Variants in SUN1 observed in about 807,000 individuals in gnomAD.
SUN1 encodes the protein Sad1 and UNC84 domain containing 1, also known as SUN domain-containing protein 1.
A neutral mutation model predicts 103.2 loss-of-function variants in SUN1; 61 were observed. The observed-to-expected ratio is 0.59, with a 90% CI of 0.48 to 0.73. The LOEUF is 0.73. Among genes scored for constraint, SUN1 ranks in the 30% least tolerant of loss-of-function variants. SUN1 has a pLI of 0.00. For missense variants in SUN1, 1,052 were observed against 1,034.6 expected, an observed-to-expected ratio of 1.02 and a Z score of -0.23; for synonymous variants, 490 against 425.7, an observed-to-expected ratio of 1.15 and a Z score of -1.86.
chr7:833,828 G>A (rs1238926820), intron 1 of SUN1, among the ~76,000 whole-genome samples: 1 of 147,638 alleles, frequency 6.8e-6, no homozygotes, highest in Non-Finnish European at 1.5e-5. Flanking sequence ...GGCCAGCTCA[G>A]GGGAGACTGC....
At chr7:841,223 G>T (rs1021972657) in intron 2 of SUN1, among the ~76,000 whole-genome samples, 5 of 147,358 alleles carry the variant, frequency 3.4e-5, no homozygotes, top group Admixed American at 2.8e-4. Context: ...GTGAGCCGCC[G>T]TACCTGGCCT....
At chr7:817,109 C>T (rs1199137833) in intron 1 of SUN1, among the ~76,000 whole-genome samples, 3 of 150,932 alleles carry the variant, frequency 2.0e-5, no homozygotes, top group Admixed American at 1.3e-4. Context: ...GCGGCGGGGC[C>T]GTGGGTGGGG....
rs1029578075 is a variant in SUN1 at position 817,368 on chromosome 7, T to C, written c.-74+695T>C. On this transcript the variant is annotated intron_variant, in intron 1 of 17. Transcript: ENST00000389574. ...CCTGCCTGGAGGCGCGCGCGTGGTC[T>C]CCGCGCCCTGTTGCGCCTTCAAAGT... 2.0e-6 allele frequency: 3 copies of C among 1,517,388 alleles called. No individual in the cohort carries two copies. The African/African-American group carries it at 4.1e-5, about 21-fold the overall frequency. The allele number at this position is 1,517,388 out of a possible 1,614,324, so 94.0% of individuals were successfully genotyped here.
At position 851,996 on chromosome 7, in the gene SUN1, C is replaced by T. The variant is rs756115192; in HGVS notation, c.804C>T (p.Tyr268=). The T allele has an allele frequency of 1.2e-6, 2 of 1,613,990 alleles. No individual in the cohort carries two copies. Among genetic ancestry groups the T allele is most frequent in the African/African-American group, 1.3e-5 (1 of 75,006 alleles). ...GVFWWLGIGW[Y]QFVTLISWLN... ...TCTGGTGGCTGGGGATTGGATGGTA[C>T]CAGTTTGTTACTTTGATTTCTTGGC... The change falls in exon 7 of 19, where the codon TAC becomes TAT. Residue 268 remains tyrosine (Y), a synonymous_variant. Coordinates refer to ENST00000401592, the MANE Select transcript of SUN1 (RefSeq NM_001130965.3).
intron 1 of SUN1, 60 bp from the exon 2 acceptor site, chr7:838,738 T>A: frequency 7.0e-7 from 1 of 1,429,836 alleles, no homozygotes; most frequent in Non-Finnish European, 9.3e-7. Context: ...GGTTTGTTCA[T>A]TTTGTTTCAG....
upstream of SUN1, chr7:830,855 G>A (rs1797276904): frequency 1.3e-6 from 1 of 756,460 alleles, no homozygotes; most frequent in Admixed American, 6.3e-5. Flanking sequence ...CCAGCTTTGG[G>A]TTGTTGCTCG....
intron 1 of SUN1, among the ~76,000 whole-genome samples, chr7:826,279 C>A (rs1791766073): frequency 6.6e-6 from 1 of 152,244 alleles, no homozygotes; most frequent in Non-Finnish European, 1.5e-5. Context: ...TGCCTGATGT[C>A]AGGCTAGCTG....
At chr7:853,774 A>T (rs1178675098) in intron 10 of SUN1, among the ~76,000 whole-genome samples, 156 bp downstream of exon 10, 2 of 152,276 alleles carry the variant, frequency 1.3e-5, no homozygotes, top group African/African-American at 4.8e-5. Flanking sequence ...TGTGCCGGAG[A>T]GGGAGTGGGT....
At chr7:839,059 C>T (rs1240822653) in intron 2 of SUN1, 73 bp downstream of exon 2, 1 of 1,417,662 alleles carries the variant, frequency 7.1e-7, no homozygotes, top group Admixed American at 2.7e-5. Flanking sequence ...ACTTTTTGGT[C>T]TGTAAAGCCG....
rs1214170358 is a variant in SUN1 at position 861,479 on chromosome 7, G to A, written c.1864+15G>A. ...GGAATCTGGTGGTGAGTAAATAGAC[G>A]TTCTGATTACTAAGTTAGATGATCA... On this transcript the variant is annotated intron_variant, in intron 15 of 18. Transcript: ENST00000401592. The A allele has an allele frequency of 3.1e-6, 5 of 1,612,794 alleles. No individual in the cohort carries two copies. Among genetic ancestry groups the A allele is most frequent in the South Asian group, 2.2e-5 (2 of 91,058 alleles).
At chr7:872,278 A>T (rs752652930) in intron 17 of SUN1, among the ~76,000 whole-genome samples, 192 bp from the exon 18 acceptor site, 1 of 152,138 alleles carries the variant, frequency 6.6e-6, no homozygotes, top group Non-Finnish European at 1.5e-5. Context: ...CGTGGGTTAC[A>T]TGAAGCCCTC....
intron 16 of SUN1, 29 bp from the exon 17 acceptor site, chr7:869,320 C>CT (rs771410148): frequency 2.2e-5 from 36 of 1,608,442 alleles, no homozygotes; most frequent in Middle Eastern, 1.7e-4. Flanking sequence ...TGCTCACACT[C>CT]TGAGTCCTCA....
upstream of SUN1, among the ~76,000 whole-genome samples, chr7:829,050 G>C (rs1453545193): frequency 1.3e-5 from 2 of 152,260 alleles, no homozygotes; most frequent in Non-Finnish European, 2.9e-5. Context: ...AGGGCAGCCA[G>C]GGAGGCACAG....
In SUN1 at chr7:854,785, T is replaced by C. The variant is rs10245785; in HGVS notation, c.1264-135T>C. ...ATATTGTTATGAAGCGGATTATTCCTTTAGGGTCCGTGCCACATTGCGACC... is the reference window on the plus strand; with the variant it reads ...ATATTGTTATGAAGCGGATTATTCCCTTAGGGTCCGTGCCACATTGCGACC... On this transcript the variant is annotated intron_variant, in intron 10 of 18. Transcript: ENST00000401592. The C allele has an allele frequency of 0.14, 87,496 of 613,758 alleles. 7,213 individuals are homozygous for C. The highest frequency in any genetic ancestry group is 0.19 in the African/African-American group (10,282 of 54,060). The allele number at this position is 613,758 out of a possible 1,614,324, so 38.0% of individuals were successfully genotyped here.
intron 13 of SUN1, among the ~76,000 whole-genome samples, chr7:859,438 A>G (rs976512794): frequency 6.6e-6 from 1 of 152,192 alleles, no homozygotes; most frequent in African/African-American, 2.4e-5. Flanking sequence ...CTACAGAAAT[A>G]AAGGCACCAG....
At chr7:850,382 G>C (rs566381098) in intron 5 of SUN1, 11 of 225,346 alleles carry the variant, frequency 4.9e-5, no homozygotes, top group Non-Finnish European at 8.0e-5. Flanking sequence ...TGTATTTTTA[G>C]TAGAGACAGG....
intron 1 of SUN1, among the ~76,000 whole-genome samples, chr7:836,137 G>GT (rs1195217839): frequency 2.6e-5 from 4 of 152,182 alleles, no homozygotes; most frequent in South Asian, 2.1e-4. Flanking sequence ...AGGGGAAGTT[G>GT]TTTTTTACCG....
In SUN1 at chr7:835,248, TTCCCCA is replaced by T. The variant is rs1292995471; in HGVS notation, c.77+2648_77+2653del. Among the ~76,000 whole-genome samples the T allele has an allele frequency of 3.6e-3, 550 of 152,354 alleles. 3 individuals carry two copies. Among genetic ancestry groups the T allele is most frequent in the African/African-American group, 0.012 (505 of 41,588 alleles). On this transcript the variant is annotated intron_variant, in intron 1 of 18. Coordinates refer to ENST00000401592, the MANE Select transcript of SUN1 (RefSeq NM_001130965.3). ...TGCGACTGGTGCTTCAGTTCACGGG[TTCCCCA>T]GCCCGCTGTCCTGCACCAGTGGCCT...
intron 5 of SUN1, chr7:850,055 G>A (rs372924864): frequency 6.0e-5 from 93 of 1,543,110 alleles, no homozygotes; most frequent in African/African-American, 2.3e-4. Flanking sequence ...CCCCGTCTCC[G>A]TCTCATCTCG....
Sources: allele counts gnomAD v4.1 joint callset (sites outside exome capture counted in the v4.1 genomes callset), GRCh38; gene constraint gnomAD v4.1.1; transcripts MANE v1.5; gene names NCBI Gene and HGNC (gene_info 2026-07-23, HGNC 2026-07-21).